TSPAN9: variants seen among roughly 807,000 people sequenced by gnomAD.
TSPAN9 encodes the protein tetraspanin 9, also known as tetraspanin-9.
TSPAN9 carries 16 observed loss-of-function variants against 31.0 expected under a neutral mutation model. The ratio of observed to expected loss-of-function variants is 0.52; its 90% CI spans 0.35 to 0.78. TSPAN9 has a LOEUF of 0.78. Among genes scored for constraint, TSPAN9 ranks in the 30% least tolerant of loss-of-function variants. The probability of loss-of-function intolerance (pLI) is 0.01; values close to 1 mark genes in which losing one functional copy is unlikely to be tolerated. For synonymous variants in TSPAN9, 145 were observed against 121.6 expected (o/e 1.19, Z -1.27); for missense variants, 272 against 312.5 (o/e 0.87, Z 0.98).
chr12:3,081,511 C>T (rs1336034960), intron 1 of TSPAN9, among the ~76,000 whole-genome samples: 1 of 152,152 alleles, frequency 6.6e-6, no homozygotes, highest in East Asian at 1.9e-4. Context: ...TTTCTCATGT[C>T]TGAGCTCCTC....
chr12:3,142,711 G>A (rs889043113), intron 2 of TSPAN9, among the ~76,000 whole-genome samples: 2 of 152,156 alleles, frequency 1.3e-5, no homozygotes, highest in Non-Finnish European at 2.9e-5. Context: ...GTATCTCCCT[G>A]TGTGCGTGCT....
intron 8 of TSPAN9, chr12:3,282,099 C>A: frequency 1.6e-6 from 1 of 641,038 alleles, no homozygotes; most frequent in Non-Finnish European, 2.8e-6. Context: ...CCCAGTTCTG[C>A]CCAAACCTTG....
chr12:3,139,031 C>G (rs944425781), intron 2 of TSPAN9, among the ~76,000 whole-genome samples: 2 of 152,166 alleles, frequency 1.3e-5, no homozygotes, highest in Non-Finnish European at 2.9e-5. Context: ...GCCTGCTCCC[C>G]CACCCTCCCT....
intron 2 of TSPAN9, among the ~76,000 whole-genome samples, chr12:3,130,794 C>T (rs1038145358): frequency 1.3e-5 from 2 of 152,188 alleles, no homozygotes; most frequent in Admixed American, 6.5e-5. Context: ...CTATTTTTAC[C>T]GGCAAACTTT....
intron 3 of TSPAN9, among the ~76,000 whole-genome samples, chr12:3,243,258 C>A (rs1324182608): frequency 6.6e-6 from 1 of 152,180 alleles, no homozygotes; most frequent in Non-Finnish European, 1.5e-5. Context: ...CATCATCTTT[C>A]CACCATCACC....
At chr12:3,214,018 G>C (rs1229450556) in intron 3 of TSPAN9, among the ~76,000 whole-genome samples, 1 of 152,198 alleles carries the variant, frequency 6.6e-6, no homozygotes, top group Non-Finnish European at 1.5e-5. Flanking sequence ...GAAAAGAGCA[G>C]GGAGTTGATC....
intron 2 of TSPAN9, among the ~76,000 whole-genome samples, chr12:3,092,569 C>A (rs1391220774): frequency 6.6e-6 from 1 of 152,208 alleles, no homozygotes; most frequent in Non-Finnish European, 1.5e-5. Flanking sequence ...AAGATTGCTA[C>A]AGATACAGCC....
At chr12:3,212,822 G>T (rs1172880284) in intron 3 of TSPAN9, among the ~76,000 whole-genome samples, 1 of 152,162 alleles carries the variant, frequency 6.6e-6, no homozygotes, top group African/African-American at 2.4e-5. Context: ...TCTGTCTTCT[G>T]ATCAGAACAG....
At chr12:3,219,127 G>A (rs1012522987) in intron 3 of TSPAN9, among the ~76,000 whole-genome samples, 5 of 152,262 alleles carry the variant, frequency 3.3e-5, no homozygotes, top group Non-Finnish European at 7.3e-5. Flanking sequence ...GCCGGACGGT[G>A]TAGTGGCTGT....
chr12:3,139,578 C>A (rs1156585709), intron 2 of TSPAN9, among the ~76,000 whole-genome samples: 1 of 151,738 alleles, frequency 6.6e-6, no homozygotes, highest in African/African-American at 2.4e-5. Flanking sequence ...TCCTTTTTTT[C>A]TTTTTTTTGA....
At chr12:3,138,987 C>T (rs370730505) in intron 2 of TSPAN9, among the ~76,000 whole-genome samples, 1 of 152,178 alleles carries the variant, frequency 6.6e-6, no homozygotes, top group African/African-American at 2.4e-5. Context: ...CCCAGGGCTA[C>T]AGGCTGTGGA....
intron 2 of TSPAN9, among the ~76,000 whole-genome samples, chr12:3,182,672 C>T (rs2098359086): frequency 6.6e-6 from 1 of 152,158 alleles, no homozygotes; most frequent in Non-Finnish European, 1.5e-5. Context: ...GAGACCTGCC[C>T]CTCAGGCTGT....
chr12:3,085,207 A>G (rs2098299838), intron 2 of TSPAN9, among the ~76,000 whole-genome samples: 1 of 151,842 alleles, frequency 6.6e-6, no homozygotes, highest in Non-Finnish European at 1.5e-5. Flanking sequence ...CTATTAAAAA[A>G]AAAAAAAGAC....
intron 3 of TSPAN9, among the ~76,000 whole-genome samples, chr12:3,271,063 T>C (rs571191685): frequency 6.6e-6 from 1 of 152,218 alleles, no homozygotes; most frequent in Non-Finnish European, 1.5e-5. Flanking sequence ...AAAATGTAAC[T>C]GGGTTGTAGA....
chr12:3,237,742 C>T (rs557890743), intron 3 of TSPAN9, among the ~76,000 whole-genome samples: 1 of 152,110 alleles, frequency 6.6e-6, no homozygotes, highest in Non-Finnish European at 1.5e-5. Flanking sequence ...ACAGAGAGGG[C>T]AGGGTCAGCT....
At chr12:3,130,702 C>G (rs1336644610) in intron 2 of TSPAN9, among the ~76,000 whole-genome samples, 1 of 152,218 alleles carries the variant, frequency 6.6e-6, no homozygotes, top group Non-Finnish European at 1.5e-5. Context: ...CAGAGATGTG[C>G]AGAGTCAGTG....
chr12:3,158,838 T>G (rs2098343668), intron 2 of TSPAN9, among the ~76,000 whole-genome samples: 1 of 151,930 alleles, frequency 6.6e-6, no homozygotes, highest in Non-Finnish European at 1.5e-5. Flanking sequence ...CTCTTTTGCT[T>G]GGACAGCCCT....
At chr12:3,153,999 AT>A (rs1242305759) in intron 2 of TSPAN9, among the ~76,000 whole-genome samples, 8 of 98,218 alleles carry the variant, frequency 8.1e-5, no homozygotes, top group African/African-American at 3.1e-4. Context: ...ATATATTAGT[AT>A]TATATATATA....
At chr12:3,212,056 C>T in intron 3 of TSPAN9, 2 of 588,644 alleles carry the variant, frequency 3.4e-6, no homozygotes, top group East Asian at 5.7e-5. Context: ...ATCGGAACCT[C>T]TGCCTCCCAG....
Sources: allele counts gnomAD v4.1 joint callset (sites outside exome capture counted in the v4.1 genomes callset), GRCh38; gene constraint gnomAD v4.1.1; transcripts MANE v1.5; gene names NCBI Gene and HGNC (gene_info 2026-07-23, HGNC 2026-07-21).